IPO11: variants seen among roughly 807,000 people sequenced by gnomAD.
IPO11 encodes the protein importin 11, also known as importin-11.
A neutral mutation model predicts 143.2 loss-of-function variants in IPO11; 66 were observed. That is an observed-to-expected ratio of 0.46 (90% CI 0.38 to 0.57). The LOEUF (loss-of-function observed/expected upper bound fraction) is 0.57, where lower values mean the gene tolerates loss of function less well. Among genes scored for constraint, IPO11 ranks in the 20% least tolerant of loss-of-function variants. The pLI, the probability that IPO11 is intolerant of heterozygous loss-of-function variation, is 0.00. For missense variants in IPO11, 1,026 were observed against 1,141.0 expected, an observed-to-expected ratio of 0.90 and a Z score of 1.45; for synonymous variants, 385 against 377.8, an observed-to-expected ratio of 1.02 and a Z score of -0.22.
chr5:62,416,162 GTTTTCTTTTT>G (rs1450739287), intron 1 of IPO11, among the ~76,000 whole-genome samples: 3 of 141,260 alleles, frequency 2.1e-5, no homozygotes, highest in African/African-American at 7.9e-5. Context: ...GTATCTTTCT[GTTTTCTTTTT>G]TTTTCTTTTC....
intron 20 of IPO11, among the ~76,000 whole-genome samples, chr5:62,521,988 C>G (rs953323347): frequency 2.0e-5 from 3 of 152,020 alleles, no homozygotes; most frequent in Admixed American, 1.3e-4. Flanking sequence ...TCTGCCTGGT[C>G]TCTGTTTCTT....
chr5:62,538,788 A>G (rs1477531795), intron 24 of IPO11, among the ~76,000 whole-genome samples: 10 of 152,218 alleles, frequency 6.6e-5, no homozygotes, highest in Admixed American at 6.5e-4. Context: ...AAATCGCCTA[A>G]TGACACATTT....
chr5:62,520,521 C>G (rs1354616015), intron 20 of IPO11, among the ~76,000 whole-genome samples: 2 of 152,120 alleles, frequency 1.3e-5, no homozygotes, highest in Admixed American at 1.3e-4. Context: ...TATCCCTCCC[C>G]ACTCCCCTGA....
At chr5:62,450,566 A>C (rs73105928) in intron 4 of IPO11, among the ~76,000 whole-genome samples, 2,558 of 152,162 alleles carry the variant, frequency 0.017, 65 homozygotes, top group African/African-American at 0.059. Flanking sequence ...CTCAGAACAT[A>C]TCTCTGTTGT....
rs746150271 is a variant in IPO11 at position 62,580,474 on chromosome 5, A to C, written c.2583-11103A>C. The C allele has an allele frequency of 3.9e-6, 6 of 1,551,380 alleles. No individual in the cohort carries two copies. The South Asian group carries it at 7.1e-5, about 18-fold the overall frequency. On this transcript the variant is annotated intron_variant, in intron 27 of 29. Transcript: ENST00000325324. ...TACAGCCTTGCATCCAAGGGTCCTTAAGCCGTTGTCTTCATTGATTCATCT... is the reference window on the plus strand; with the variant it reads ...TACAGCCTTGCATCCAAGGGTCCTTCAGCCGTTGTCTTCATTGATTCATCT...
chr5:62,485,530 T>C, intron 12 of IPO11, 68 bp downstream of exon 12: 1 of 1,210,686 alleles, frequency 8.3e-7, no homozygotes, highest in African/African-American at 1.5e-5. Flanking sequence ...TAGTAGAGAA[T>C]GACACTCTAT....
At chr5:62,569,816 G>A (rs1744075162) in intron 27 of IPO11, among the ~76,000 whole-genome samples, 1 of 152,160 alleles carries the variant, frequency 6.6e-6, no homozygotes, top group African/African-American at 2.4e-5. Flanking sequence ...GGTTTACAAA[G>A]GGGCTATATA....
chr5:62,589,621 G>A (rs1289855247), intron 27 of IPO11, among the ~76,000 whole-genome samples: 1 of 152,138 alleles, frequency 6.6e-6, no homozygotes, highest in African/African-American at 2.4e-5. Flanking sequence ...CTTCTGATGT[G>A]GAGTGATCTT....
chr5:62,430,757 A>C (rs2112115558), intron 1 of IPO11, among the ~76,000 whole-genome samples: 1 of 148,002 alleles, frequency 6.8e-6, no homozygotes, highest in Non-Finnish European at 1.5e-5. Flanking sequence ...GGCTGACTGC[A>C]ACCTCTGCCT....
At chr5:62,542,194 G>C (rs1742977515) in intron 24 of IPO11, among the ~76,000 whole-genome samples, 1 of 152,008 alleles carries the variant, frequency 6.6e-6, no homozygotes, top group Non-Finnish European at 1.5e-5. Flanking sequence ...TTGAGAATCT[G>C]ATAGTATGTG....
chr5:62,572,622 C>T (rs768143970), intron 27 of IPO11, among the ~76,000 whole-genome samples: 2 of 151,358 alleles, frequency 1.3e-5, no homozygotes, highest in Non-Finnish European at 2.9e-5. Flanking sequence ...ACTCTGGTTG[C>T]CCAGGCTGGA....
At chr5:62,580,578 T>G (rs1213306659) in intron 27 of IPO11, 2 of 1,551,484 alleles carry the variant, frequency 1.3e-6, no homozygotes, top group Admixed American at 3.9e-5. Context: ...CAGCCATTAC[T>G]CTAAACATCT....
chr5:62,456,685 A>G (rs1198585923), intron 5 of IPO11, among the ~76,000 whole-genome samples: 1 of 152,254 alleles, frequency 6.6e-6, no homozygotes, highest in Non-Finnish European at 1.5e-5. Flanking sequence ...CAGTTATTGA[A>G]TGCTGACTGT....
chr5:62,513,289 G>T (rs985773897), intron 19 of IPO11, among the ~76,000 whole-genome samples: 5 of 90,652 alleles, frequency 5.5e-5, no homozygotes, highest in African/African-American at 2.9e-4. Context: ...CCTCCCGGAC[G>T]GGGCGGCTGG....
chr5:62,531,268 A>G (rs908035074), intron 22 of IPO11, among the ~76,000 whole-genome samples: 1 of 152,154 alleles, frequency 6.6e-6, no homozygotes, highest in Admixed American at 6.5e-5. Flanking sequence ...GCTTCAAACT[A>G]CTGGACTGAA....
At chr5:62,591,549 A>C (rs576711748) in intron 27 of IPO11, 28 bp from the exon 28 acceptor site, 1 of 1,315,232 alleles carries the variant, frequency 7.6e-7, no homozygotes, top group South Asian at 1.3e-5. Flanking sequence ...TATTCCAGTT[A>C]ACCTGTTTTG....
At chr5:62,490,930 C>A (rs1379252321) in intron 15 of IPO11, among the ~76,000 whole-genome samples, 1 of 152,116 alleles carries the variant, frequency 6.6e-6, no homozygotes, top group African/African-American at 2.4e-5. Context: ...CAGCCCAATT[C>A]TTACGTTTTA....
intron 4 of IPO11, 94 bp downstream of exon 4, chr5:62,450,093 T>A: frequency 2.7e-6 from 2 of 753,946 alleles, no homozygotes; most frequent in Middle Eastern, 4.8e-4. Context: ...AATAAAAATA[T>A]CACTATTACA....
At chr5:62,557,171 T>C (rs1334210859) in intron 26 of IPO11, among the ~76,000 whole-genome samples, 2 of 152,162 alleles carry the variant, frequency 1.3e-5, no homozygotes, top group Non-Finnish European at 2.9e-5. Context: ...TGATAACAAC[T>C]CTGGGATGGT....
Sources: allele counts gnomAD v4.1 joint callset (sites outside exome capture counted in the v4.1 genomes callset), GRCh38; gene constraint gnomAD v4.1.1; transcripts MANE v1.5; gene names NCBI Gene and HGNC (gene_info 2026-07-23, HGNC 2026-07-21).